The following CYP4B1 variants were observed in gnomAD, a reference collection of about 807,000 sequenced individuals.
CYP4B1 encodes the protein cytochrome P450 family 4 subfamily B member 1.
A neutral mutation model predicts 54.0 loss-of-function variants in CYP4B1; 45 were observed. That is an observed-to-expected ratio of 0.83 (90% CI 0.66 to 1.07). The LOEUF is 1.07. Among genes scored for constraint, CYP4B1 ranks in the 50% least tolerant of loss-of-function variants. The pLI, the probability that CYP4B1 is intolerant of heterozygous loss-of-function variation, is 0.00. For missense variants in CYP4B1, 656 were observed against 655.4 expected (o/e 1.00, Z -0.01); for synonymous variants, 248 against 247.5 (o/e 1.00, Z -0.02).
chr1:46,813,586 A>C lies in CYP4B1; in HGVS notation c.600A>C (p.Gly200=). The stretch of plus-strand genomic sequence containing the variant: ...TCATGAAGTGCACCTTTGGAAGAGG[A>C]GACACCGGCCTGGGCCACAGGTCAG... The part of the protein sequence containing the change: ...NTLMKCTFGR[G]DTGLGHSRDS... Residue 200 remains glycine (G), a synonymous_variant, in exon 5 of 12, where the codon GGA becomes GGC. Coordinates refer to ENST00000371923, the MANE Select transcript of CYP4B1 (RefSeq NM_001099772.2). 1 of 1,614,062 alleles carries C rather than the reference A, an allele frequency of 6.2e-7. No individual in the cohort carries two copies. Among genetic ancestry groups the C allele is most frequent in the Non-Finnish European group, 8.5e-7 (1 of 1,180,024 alleles).
rs1302060613 is a variant in CYP4B1, at chr1:46,817,139, A to G, written c.1165A>G (p.Ser389Gly). The G allele has an allele frequency of 6.2e-7, 1 of 1,614,096 alleles. No homozygotes were observed. The highest frequency in any genetic ancestry group is 8.5e-7 in the Non-Finnish European group (1 of 1,180,032). The part of the protein sequence containing the change: ...PPVPQVYRQL[S>G]KPVTFVDGRS... ...TGTGCCCCAGGTGTACCGCCAGCTC[A>G]GCAAGCCTGTCACCTTTGTGGATGG... is the stretch of plus-strand genomic sequence containing the variant. Residue 389 changes from serine to glycine, a missense_variant, in exon 9 of 12, where the codon AGC (serine) becomes GGC (glycine). Ser to Gly is a moderately conservative substitution (Grantham distance 56). Transcript: ENST00000371923.
intron 7 of CYP4B1, chr1:46,814,828 C>T: frequency 1.9e-6 from 1 of 535,536 alleles, no homozygotes; most frequent in Non-Finnish European, 3.3e-6. Context: ...GTGAGCAGAA[C>T]AGTCAGGGCT....
intron 1 of CYP4B1, 75 bp downstream of exon 1, chr1:46,799,336 G>T: frequency 2.2e-6 from 3 of 1,391,624 alleles, no homozygotes; most frequent in South Asian, 1.3e-5. Flanking sequence ...CTAATTCCCA[G>T]GGGGCTGTGG....
In CYP4B1 at chr1:46,817,071, A is replaced by C; in HGVS notation, c.1097A>C (p.Tyr366Ser). 1 of 1,614,038 alleles carries C rather than the reference A, an allele frequency of 6.2e-7. No individual in the cohort carries two copies. Among genetic ancestry groups the C allele is most frequent in the Admixed American group, 1.7e-5 (1 of 60,008 alleles). ...FQWDDLGKMT[Y>S]LTMCIKESFR... ...AGGGATGATCTGGGCAAAATGACTT[A>C]TCTGACCATGTGCATCAAGGAGAGC... Residue 366 changes from tyrosine (Y) to serine (S), a missense_variant, in exon 9 of 12, where the codon TAT becomes TCT. Coordinates refer to ENST00000371923, the MANE Select transcript of CYP4B1 (RefSeq NM_001099772.2).
chr1:46,817,290 C>A, intron 9 of CYP4B1, 109 bp downstream of exon 9: 1 of 1,340,852 alleles, frequency 7.5e-7, no homozygotes, highest in Non-Finnish European at 1.0e-6. Flanking sequence ...TCAGGCTTTG[C>A]GTTCAGAGAG....
In CYP4B1 at chr1:46,805,974, G is replaced by C. The variant is rs45611432; in HGVS notation, c.181-4834G>C. Among the ~76,000 whole-genome samples the C allele has an allele frequency of 2.6e-5, 4 of 152,308 alleles. No homozygotes were observed. The East Asian group carries it at 5.8e-4, about 22-fold the overall frequency. On this transcript the variant is annotated intron_variant, in intron 1 of 11. Coordinates refer to ENST00000371923, the MANE Select transcript of CYP4B1 (RefSeq NM_001099772.2). ...TTCTAGCCCCCAATTCCCAATCCCTGCAGGACTTCCCTGGGCAGTGGGAGC... is the reference window on the plus strand; with the variant it reads ...TTCTAGCCCCCAATTCCCAATCCCTCCAGGACTTCCCTGGGCAGTGGGAGC...
chr1:46,817,269 T>G (rs1021923664), intron 9 of CYP4B1, 88 bp downstream of exon 9: 3 of 1,539,140 alleles, frequency 1.9e-6, no homozygotes, highest in Non-Finnish European at 2.7e-6. Context: ...TTTGCACTTT[T>G]GGGGAAGAGC....
chr1:46,800,957 G>C (rs590582), intron 1 of CYP4B1, among the ~76,000 whole-genome samples: 132,064 of 152,146 alleles, frequency 0.87, 58,449 homozygotes, highest in East Asian at 0.99. Context: ...TGCCTTAGCC[G>C]CATTATTTTG....
intron 1 of CYP4B1, among the ~76,000 whole-genome samples, chr1:46,802,203 G>A (rs776801744): frequency 6.6e-6 from 1 of 152,140 alleles, no homozygotes; most frequent in Non-Finnish European, 1.5e-5. Flanking sequence ...GTGTGTGTGT[G>A]TGTAGAATGC....
At chr1:46,812,662 G>T in intron 4 of CYP4B1, 39 bp downstream of exon 4, 1 of 1,600,860 alleles carries the variant, frequency 6.2e-7, no homozygotes, top group South Asian at 1.1e-5. Context: ...GCTGTTGCCT[G>T]CTGGGCTAGC....
Position 46,814,024 on chromosome 1 carries a change from C to T in CYP4B1, c.736C>T (p.Arg246Cys), listed in dbSNP as rs200200785. The change falls in exon 6 of 12, where the codon CGC becomes TGC. Residue 246 changes from arginine (R) to cysteine (C), a missense_variant. Physicochemically the swap from Arg to Cys is radical, Grantham distance 180 (BLOSUM62 -3). Coordinates refer to ENST00000371923, the MANE Select transcript of CYP4B1 (RefSeq NM_001099772.2). ...CTACTGGCTCACCCCACATGGCCGCCGCTTCCTGCGGGCCTGCCAGGTGGC... is the reference window on the plus strand; with the variant it reads ...CTACTGGCTCACCCCACATGGCCGCTGCTTCCTGCGGGCCTGCCAGGTGGC... ...FIYWLTPHGRRFLRACQVAHD... is the reference protein window; with the variant it reads ...FIYWLTPHGRCFLRACQVAHD... 80 of 1,614,124 alleles carry T rather than the reference C, an allele frequency of 5.0e-5. 1 individual carries two copies. Among genetic ancestry groups the T allele is most frequent in the South Asian group, 4.6e-4 (42 of 91,082 alleles).
At chr1:46,814,988 C>T in intron 7 of CYP4B1, 86 bp from the exon 8 acceptor site, 3 of 1,257,242 alleles carry the variant, frequency 2.4e-6, no homozygotes, top group Non-Finnish European at 3.4e-6. Context: ...TCCCAGAGAC[C>T]TTCATTTGAC....
intron 1 of CYP4B1, among the ~76,000 whole-genome samples, chr1:46,800,209 T>C (rs60103736): frequency 0.05 from 4,166 of 83,486 alleles, 798 homozygotes; most frequent in South Asian, 0.09. Context: ...CTTTCTTTCT[T>C]TCTTTCTCTT....
Position 46,811,054 on chromosome 1 carries a change from C to T in CYP4B1, c.323-86C>T, listed in dbSNP as rs188063339. 6.6e-4 allele frequency: 1,060 copies of T among 1,600,764 alleles called. 4 individuals are homozygous for T. Among genetic ancestry groups the T allele is most frequent in the Middle Eastern group, 3.8e-3 (23 of 6,028 alleles). ...AGCCTGGGCCTGTGTACTAAGTCTG[C>T]GGAGCTGAGGTTCCCACCCTACTCA... On this transcript the variant is annotated intron_variant, in intron 2 of 11. Coordinates refer to ENST00000371923, the MANE Select transcript of CYP4B1 (RefSeq NM_001099772.2).
At chr1:46,804,874 C>G (rs1237058524) in intron 1 of CYP4B1, among the ~76,000 whole-genome samples, 2 of 152,184 alleles carry the variant, frequency 1.3e-5, no homozygotes, top group Non-Finnish European at 2.9e-5. Flanking sequence ...CTTAGAGTGG[C>G]CTTCCTGACC....
chr1:46,811,823 G>C (rs1236696885), intron 3 of CYP4B1, among the ~76,000 whole-genome samples: 1 of 152,162 alleles, frequency 6.6e-6, no homozygotes. Context: ...GGTGTCTTCA[G>C]CGTTTTCCTG....
At chr1:46,816,223 C>T (rs910204033) in intron 8 of CYP4B1, among the ~76,000 whole-genome samples, 1 of 151,956 alleles carries the variant, frequency 6.6e-6, no homozygotes, top group African/African-American at 2.4e-5. Flanking sequence ...AATCAAACAG[C>T]GAGAGAAAAA....
intron 4 of CYP4B1, 97 bp downstream of exon 4, chr1:46,812,720 A>C: frequency 7.2e-7 from 1 of 1,386,640 alleles, no homozygotes; most frequent in Non-Finnish European, 1.0e-6. Flanking sequence ...GGTGCTCTGC[A>C]GTAAGGAGAA....
chr1:46,804,931 C>A (rs1678798528), intron 1 of CYP4B1, among the ~76,000 whole-genome samples: 1 of 152,132 alleles, frequency 6.6e-6, no homozygotes, highest in Non-Finnish European at 1.5e-5. Flanking sequence ...TGCTTTTTTT[C>A]TTTCTGGAGT....
Sources: allele counts gnomAD v4.1 joint callset (sites outside exome capture counted in the v4.1 genomes callset), GRCh38; gene constraint gnomAD v4.1.1; transcripts MANE v1.5; gene names NCBI Gene and HGNC (gene_info 2026-07-23, HGNC 2026-07-21).